The following ADAM12 variants were observed in gnomAD, a reference collection of about 807,000 sequenced individuals.
ADAM12 encodes the protein disintegrin and metalloproteinase domain-containing protein 12.
In ADAM12, 70 loss-of-function variants were observed where a neutral mutation model predicts 106.4. The observed-to-expected ratio is 0.66, with a 90% CI of 0.54 to 0.80. ADAM12 has a LOEUF of 0.80. ADAM12 is among the 30% of genes least tolerant of loss of function. The pLI is 0.00. For synonymous variants in ADAM12, 420 were observed against 433.5 expected, an observed-to-expected ratio of 0.97 and a Z score of 0.39; for missense variants, 1,010 against 1,171.9, an observed-to-expected ratio of 0.86 and a Z score of 2.02.
chr10:126,166,509 T>G (rs894466435), intron 3 of ADAM12, among the ~76,000 whole-genome samples: 1 of 151,792 alleles, frequency 6.6e-6, no homozygotes, highest in Non-Finnish European at 1.5e-5. Flanking sequence ...TTGTTTTTTG[T>G]TTTTTTTGAG....
chr10:126,198,130 T>C (rs1957631595), intron 3 of ADAM12, among the ~76,000 whole-genome samples: 1 of 152,232 alleles, frequency 6.6e-6, no homozygotes, highest in South Asian at 2.1e-4. Context: ...CTACGGGCCT[T>C]GCTCTCCTCC....
intron 5 of ADAM12, chr10:126,135,296 C>A: frequency 2.6e-6 from 1 of 388,244 alleles, no homozygotes; most frequent in Non-Finnish European, 4.6e-6. Context: ...GAAAATAATT[C>A]ACAAAATGCT....
At chr10:126,028,998 A>G (rs1325135676) in intron 21 of ADAM12, among the ~76,000 whole-genome samples, 2 of 152,248 alleles carry the variant, frequency 1.3e-5, no homozygotes, top group Non-Finnish European at 2.9e-5. Context: ...CAAACATGAA[A>G]AAAAGCTCAA....
intron 4 of ADAM12, among the ~76,000 whole-genome samples, chr10:126,140,051 C>T (rs887022504): frequency 6.6e-6 from 1 of 152,130 alleles, no homozygotes; most frequent in Non-Finnish European, 1.5e-5. Flanking sequence ...CCTGGGCACA[C>T]GGCAGGCATC....
At chr10:126,113,663 A>C (rs1590430165) in intron 6 of ADAM12, among the ~76,000 whole-genome samples, 1 of 41,032 alleles carries the variant, frequency 2.4e-5, no homozygotes, top group Non-Finnish European at 4.0e-5. Flanking sequence ...CGTCTCAAAA[A>C]AAAAAAAAAA....
At chr10:126,346,730 G>A (rs1365392674) in intron 1 of ADAM12, among the ~76,000 whole-genome samples, 2 of 152,122 alleles carry the variant, frequency 1.3e-5, no homozygotes, top group African/African-American at 2.4e-5. Flanking sequence ...TATATATTTA[G>A]GATAGTTAGC....
At chr10:126,192,037 C>T (rs576305501) in intron 3 of ADAM12, among the ~76,000 whole-genome samples, 1 of 152,258 alleles carries the variant, frequency 6.6e-6, no homozygotes, top group East Asian at 1.9e-4. Context: ...ATCACAAGAA[C>T]AGCACCAAGG....
chr10:126,349,220 C>T (rs1855263875), intron 1 of ADAM12, among the ~76,000 whole-genome samples: 1 of 152,196 alleles, frequency 6.6e-6, no homozygotes, highest in African/African-American at 2.4e-5. Context: ...CTCTTTATCT[C>T]CCAGCTTCTG....
At chr10:126,206,798 T>C (rs1218505491) in intron 3 of ADAM12, among the ~76,000 whole-genome samples, 1 of 136,180 alleles carries the variant, frequency 7.3e-6, no homozygotes, top group East Asian at 2.2e-4. Context: ...ACGGTTTGGC[T>C]GTGTCCCCAC....
Position 126,027,604 on chromosome 10 carries a change from T to C in ADAM12, c.2530-7779A>G, listed in dbSNP as rs532661828. Among the ~76,000 whole-genome samples, 91 of 152,208 alleles carry C rather than the reference T, an allele frequency of 6.0e-4. 1 individual carries two copies. The South Asian group carries it at 0.018, about 31-fold the overall frequency. On this transcript the variant is annotated intron_variant, in intron 21 of 22. Coordinates refer to ENST00000448723, the MANE Select transcript of ADAM12 (RefSeq NM_001288973.2). ...ATGTGATTCATCACATAAACAGAAC[T>C]AGAGACAAAAACCATATGATTATCT... is the stretch of plus-strand genomic sequence containing the variant.
chr10:126,332,754 G>A (rs367882614), intron 1 of ADAM12, among the ~76,000 whole-genome samples: 2 of 152,112 alleles, frequency 1.3e-5, no homozygotes, highest in South Asian at 2.1e-4. Flanking sequence ...TGGTGAGCCC[G>A]AGGGAAATCA....
intron 3 of ADAM12, among the ~76,000 whole-genome samples, chr10:126,207,418 AT>A (rs775625426): frequency 1.3e-3 from 197 of 152,344 alleles, no homozygotes; most frequent in Non-Finnish European, 2.3e-3. Flanking sequence ...GCAAGCTATT[AT>A]AATTAAGGTC....
chr10:126,381,599 G>A (rs570790104), intron 1 of ADAM12, among the ~76,000 whole-genome samples: 9 of 152,220 alleles, frequency 5.9e-5, no homozygotes, highest in South Asian at 4.1e-4. Flanking sequence ...AGGTTCAAGC[G>A]ATTCTCCTGC....
chr10:126,076,505 A>G (rs1377397746), intron 11 of ADAM12, among the ~76,000 whole-genome samples: 2 of 152,196 alleles, frequency 1.3e-5, no homozygotes, highest in Admixed American at 1.3e-4. Flanking sequence ...TGCTTTCCAC[A>G]GTGGCTAGCC....
rs542458324 is a variant in ADAM12, at chr10:126,357,958, T to C, written c.89-27449A>G. Among the ~76,000 whole-genome samples the C allele has an allele frequency of 1.7e-3, 256 of 152,186 alleles. 7 individuals carry two copies. Among genetic ancestry groups the C allele is most frequent in the South Asian group, 9.3e-3 (45 of 4,820 alleles). ...ATATGAATCCAAACTTTTCCAAAAA[T>C]TGAAGAGGAAAGATTACTTCCAAAT... On this transcript the variant is annotated intron_variant, in intron 1 of 22. Transcript: ENST00000448723.
chr10:126,157,033 G>A (rs1471425420), intron 3 of ADAM12, among the ~76,000 whole-genome samples: 8 of 151,672 alleles, frequency 5.3e-5, no homozygotes, highest in Non-Finnish European at 1.0e-4. Flanking sequence ...GTGTGTGTGT[G>A]GGGGGGTGCT....
At chr10:126,141,133 T>C (rs998940287) in intron 4 of ADAM12, among the ~76,000 whole-genome samples, 2 of 152,206 alleles carry the variant, frequency 1.3e-5, no homozygotes, top group African/African-American at 4.8e-5. Flanking sequence ...CAGGGAGCCA[T>C]CATGCCTAAG....
intron 1 of ADAM12, among the ~76,000 whole-genome samples, chr10:126,331,630 T>C (rs187895695): frequency 1.1e-3 from 170 of 152,166 alleles, no homozygotes; most frequent in African/African-American, 3.9e-3. Context: ...CTCTCAGGTG[T>C]TGAGGACCAA....
intron 3 of ADAM12, among the ~76,000 whole-genome samples, chr10:126,237,139 A>G (rs972318136): frequency 6.6e-6 from 1 of 152,042 alleles, no homozygotes; most frequent in African/African-American, 2.4e-5. Context: ...TACCCTCATG[A>G]CACATCTAAT....
Sources: gnomAD v4.1 joint callset for allele counts (sites outside exome capture counted in the v4.1 genomes callset) on GRCh38, gnomAD v4.1.1 for gene constraint, MANE v1.5 for transcripts, NCBI Gene and HGNC (gene_info 2026-07-23, HGNC 2026-07-21) for gene names.